The following TAF4B variants were observed in gnomAD, a reference collection of about 807,000 sequenced individuals.
TAF4B encodes the protein TATA-box binding protein associated factor 4b.
TAF4B carries 38 observed loss-of-function variants against 86.4 expected under a neutral mutation model. The observed-to-expected ratio is 0.44, with a 90% CI of 0.34 to 0.58. TAF4B has a LOEUF of 0.58. TAF4B is among the 20% of genes least tolerant of loss of function. The probability of loss-of-function intolerance (pLI) is 0.02; values close to 1 mark genes in which losing one functional copy is unlikely to be tolerated. For missense variants in TAF4B, 988 were observed against 1,027.6 expected (o/e 0.96, Z 0.53); for synonymous variants, 388 against 391.2 (o/e 0.99, Z 0.10).
intron 14 of TAF4B, among the ~76,000 whole-genome samples, chr18:26,388,672 G>A (rs1333033828): frequency 6.6e-6 from 1 of 152,250 alleles, no homozygotes; most frequent in Non-Finnish European, 1.5e-5. Context: ...GAGGAGCCAT[G>A]TGGCTGCAGT....
intron 1 of TAF4B, among the ~76,000 whole-genome samples, chr18:26,231,543 G>C (rs1474501872): frequency 2.6e-5 from 4 of 151,638 alleles, no homozygotes; most frequent in Admixed American, 6.6e-5. Context: ...GTAAAGACAG[G>C]GTTTTGCTAA....
At chr18:26,322,273 A>T (rs982303981) in intron 11 of TAF4B, among the ~76,000 whole-genome samples, 8 of 151,080 alleles carry the variant, frequency 5.3e-5, no homozygotes, top group South Asian at 2.1e-4. Context: ...ATATTATTTT[A>T]TTTTTTTTTC....
At chr18:26,358,263 CTT>C (rs1346470137) in intron 14 of TAF4B, among the ~76,000 whole-genome samples, 1 of 152,140 alleles carries the variant, frequency 6.6e-6, no homozygotes, top group Non-Finnish European at 1.5e-5. Context: ...AACATTTTCT[CTT>C]CTGTTAGATT....
At chr18:26,232,799 A>C (rs557103366) in intron 1 of TAF4B, among the ~76,000 whole-genome samples, 15 of 152,274 alleles carry the variant, frequency 9.9e-5, no homozygotes, top group Non-Finnish European at 2.2e-4. Context: ...TAGAGTAAGG[A>C]TAGATTTTGT....
intron 11 of TAF4B, 112 bp downstream of exon 11, chr18:26,321,312 A>G: frequency 9.4e-7 from 1 of 1,067,788 alleles, no homozygotes. Flanking sequence ...CTTATATTTC[A>G]TATTAGTGGA....
intron 1 of TAF4B, among the ~76,000 whole-genome samples, chr18:26,256,877 T>C (rs906474989): frequency 6.6e-6 from 1 of 151,526 alleles, no homozygotes; most frequent in Admixed American, 6.6e-5. Flanking sequence ...GTGGAGACCA[T>C]ACATTGTATT....
chr18:26,233,204 A>G (rs150235051), intron 1 of TAF4B, among the ~76,000 whole-genome samples: 3 of 152,214 alleles, frequency 2.0e-5, no homozygotes, highest in African/African-American at 7.2e-5. Flanking sequence ...AGCTCTGGTG[A>G]GCGGCTGGGA....
chr18:26,269,569 T>C (rs1338168942), intron 3 of TAF4B, among the ~76,000 whole-genome samples: 2 of 152,168 alleles, frequency 1.3e-5, no homozygotes, highest in Non-Finnish European at 2.9e-5. Context: ...GACCTTCTTT[T>C]GGTGTTCCAA....
chr18:26,276,015 C>CAAAAAA (rs374826135), intron 5 of TAF4B, among the ~76,000 whole-genome samples: 4 of 75,818 alleles, frequency 5.3e-5, no homozygotes, highest in African/African-American at 9.6e-5. Flanking sequence ...GACTCTGTCT[C>CAAAAAA]AAAAAAAAAA....
At chr18:26,379,922 G>C (rs2057466886) in intron 14 of TAF4B, among the ~76,000 whole-genome samples, 1 of 151,960 alleles carries the variant, frequency 6.6e-6, no homozygotes, top group Admixed American at 6.6e-5. Context: ...TGATGCTATT[G>C]AAAGTAGTAT....
intron 11 of TAF4B, among the ~76,000 whole-genome samples, chr18:26,324,269 A>C (rs1188594940): frequency 6.6e-6 from 1 of 152,144 alleles, no homozygotes. Context: ...CTGTTGTTTC[A>C]GAGATACATG....
At chr18:26,238,544 A>C (rs2055785073) in intron 1 of TAF4B, among the ~76,000 whole-genome samples, 1 of 152,152 alleles carries the variant, frequency 6.6e-6, no homozygotes, top group Non-Finnish European at 1.5e-5. Context: ...AGAGTCCTGA[A>C]ATTTATTTAT....
chr18:26,318,618 A>C (rs2056934124), intron 10 of TAF4B, among the ~76,000 whole-genome samples: 1 of 152,204 alleles, frequency 6.6e-6, no homozygotes. Context: ...CAGTAAAATC[A>C]CATAACTAGT....
At chr18:26,255,603 CAAAAA>C (rs71169836) in intron 1 of TAF4B, 12 of 486,152 alleles carry the variant, frequency 2.5e-5, no homozygotes, top group Admixed American at 1.3e-4. Flanking sequence ...ACTCTGTCTC[CAAAAA>C]AAAAAAAAAA....
At chr18:26,347,833 A>G (rs2057212608) in intron 13 of TAF4B, among the ~76,000 whole-genome samples, 1 of 152,260 alleles carries the variant, frequency 6.6e-6, no homozygotes, top group Non-Finnish European at 1.5e-5. Flanking sequence ...CAAAGACATT[A>G]TACAATAAGG....
At chr18:26,385,095 C>G (rs1363232007) in intron 14 of TAF4B, among the ~76,000 whole-genome samples, 2 of 152,136 alleles carry the variant, frequency 1.3e-5, no homozygotes, top group Non-Finnish European at 2.9e-5. Context: ...CCCGAAGCCA[C>G]TGGGTTCATA....
intron 1 of TAF4B, among the ~76,000 whole-genome samples, chr18:26,257,523 T>C (rs1416375649): frequency 1.3e-5 from 2 of 152,232 alleles, no homozygotes. Flanking sequence ...GATTATTTTG[T>C]ACATTCACAT....
intron 14 of TAF4B, among the ~76,000 whole-genome samples, chr18:26,387,358 G>A (rs1402576456): frequency 6.6e-6 from 1 of 152,156 alleles, no homozygotes; most frequent in Non-Finnish European, 1.5e-5. Flanking sequence ...GGTTACTCCT[G>A]TAAACAACAA....
In TAF4B at chr18:26,391,446, T is replaced by C. The variant is rs185571591; in HGVS notation, c.*1434T>C. The C allele has an allele frequency of 1.3e-5, 2 of 152,164 alleles. No individual in the cohort carries two copies. Among genetic ancestry groups the C allele is most frequent in the East Asian group, 3.9e-4 (2 of 5,190 alleles). The allele number at this position is 152,164 out of a possible 1,614,324, so 9.4% of individuals were successfully genotyped here. A position where few individuals can be genotyped will look rare whatever the true frequency, so the allele number is the denominator to read the frequency against. ...GTTATGGCCATATTCTACAGTATAG[T>C]AAATTTTAAATTGGCCACATTTTTT... is the stretch of plus-strand genomic sequence containing the variant. On this transcript the variant is annotated 3_prime_UTR_variant, in exon 15 of 15. Coordinates refer to ENST00000269142, the MANE Select transcript of TAF4B (RefSeq NM_005640.3).
Sources: allele counts gnomAD v4.1 joint callset (sites outside exome capture counted in the v4.1 genomes callset), GRCh38; gene constraint gnomAD v4.1.1; transcripts MANE v1.5; gene names NCBI Gene and HGNC (gene_info 2026-07-23, HGNC 2026-07-21).